The following WLS variants were observed in gnomAD, a reference collection of about 807,000 sequenced individuals.
The protein encoded by WLS is protein wntless homolog.
In WLS, 23 loss-of-function variants were observed where a neutral mutation model predicts 62.8. That is an observed-to-expected ratio of 0.37 (90% CI 0.26 to 0.52). The LOEUF (loss-of-function observed/expected upper bound fraction) is 0.52. Among genes scored for constraint, WLS ranks in the 20% least tolerant of loss-of-function variants. The pLI, the probability that WLS is intolerant of heterozygous loss-of-function variation, is 0.92. For missense variants in WLS, 615 were observed against 697.3 expected (o/e 0.88, Z 1.33); for synonymous variants, 246 against 244.1 (o/e 1.01, Z -0.07).
At chr1:68,154,987 G>A in intron 4 of WLS, 112 bp downstream of exon 4, 2 of 1,133,014 alleles carry the variant, frequency 1.8e-6, no homozygotes, top group Non-Finnish European at 2.5e-6. Flanking sequence ...CAGCCATCAT[G>A]AGTATGTTAT....
chr1:68,178,563 G>A (rs1647362161), intron 2 of WLS, among the ~76,000 whole-genome samples: 1 of 151,990 alleles, frequency 6.6e-6, no homozygotes, highest in African/African-American at 2.4e-5. Flanking sequence ...AAAATTAGCT[G>A]GGCATGGTGG....
chr1:68,215,604 G>A (rs927627901), intron 1 of WLS, among the ~76,000 whole-genome samples: 1 of 152,098 alleles, frequency 6.6e-6, no homozygotes, highest in African/African-American at 2.4e-5. Context: ...AAATAATAAA[G>A]GATGTACATA....
At chr1:68,119,103 C>T (rs1236212439) in intron 11 of WLS, among the ~76,000 whole-genome samples, 1 of 151,928 alleles carries the variant, frequency 6.6e-6, no homozygotes, top group African/African-American at 2.4e-5. Flanking sequence ...AAATTATGAA[C>T]CATCCTTTTT....
At chr1:68,123,700 A>G (rs1333593129), downstream of WLS, among the ~76,000 whole-genome samples, 1 of 152,126 alleles carries the variant, frequency 6.6e-6, no homozygotes, top group East Asian at 1.9e-4. Flanking sequence ...CCAAGCAGCC[A>G]TTTGACCTGA....
intron 1 of WLS, among the ~76,000 whole-genome samples, chr1:68,204,388 C>G (rs891597330): frequency 2.0e-5 from 3 of 152,014 alleles, no homozygotes; most frequent in South Asian, 2.1e-4. Flanking sequence ...GGCGCGGTCT[C>G]GGCTCACTGC....
At chr1:68,228,228 G>T (rs1311269026) in intron 1 of WLS, 4 of 443,522 alleles carry the variant, frequency 9.0e-6, no homozygotes, top group Non-Finnish European at 1.8e-5. Flanking sequence ...TACAGTTTAT[G>T]TTTGGAATAG....
chr1:68,150,188 C>G lies in WLS; in HGVS notation c.972G>C (p.Met324Ile). The change falls in exon 6 of 12, where the codon ATG becomes ATC. Residue 324 changes from methionine to isoleucine, a missense_variant and splice_region_variant. Coordinates refer to ENST00000262348, the MANE Select transcript of WLS (RefSeq NM_024911.7). ...FWIIFCGEHM[M>I]DQHERNHIAG... is the part of the protein sequence containing the mutation. The stretch of plus-strand genomic sequence containing the variant: ...GTCTGTCCCTCCCGGCGGCTCTTAC[C>G]ATCATGTGCTCGCCACAGAAGATGA... 1 of 1,613,888 alleles carries G rather than the reference C, an allele frequency of 6.2e-7. No individual in the cohort carries two copies. The highest frequency in any genetic ancestry group is 8.5e-7 in the Non-Finnish European group (1 of 1,179,882).
intron 10 of WLS, among the ~76,000 whole-genome samples, chr1:68,140,719 G>A (rs1481682159): frequency 6.6e-6 from 1 of 152,180 alleles, no homozygotes; most frequent in Non-Finnish European, 1.5e-5. Flanking sequence ...TGGGCAAAGA[G>A]TTGAACTGCA....
In WLS at chr1:68,194,239, A is replaced by G; in HGVS notation, c.107-12T>C. The G allele has an allele frequency of 6.2e-7, 1 of 1,612,228 alleles. No homozygotes were observed. Among genetic ancestry groups the G allele is most frequent in the Non-Finnish European group, 8.5e-7 (1 of 1,178,998 alleles). ...TGTGGGCCCTGGAGCTGAAAAGAGAAAGTTTGTCTGTTTTAGAAAAGCCAT... is the reference window on the plus strand; with the variant it reads ...TGTGGGCCCTGGAGCTGAAAAGAGAGAGTTTGTCTGTTTTAGAAAAGCCAT... On this transcript the variant is annotated splice_polypyrimidine_tract_variant and intron_variant, in intron 1 of 11. Transcript: ENST00000262348.
At chr1:68,098,782 T>C in intron 11 of WLS, 3 of 1,604,864 alleles carry the variant, frequency 1.9e-6, no homozygotes, top group Non-Finnish European at 2.6e-6. Context: ...TTTAAAACCA[T>C]GCAAAATATC....
At chr1:68,100,661 C>T (rs1646065434) in intron 11 of WLS, 1 of 152,168 alleles carries the variant, frequency 6.6e-6, no homozygotes, top group Non-Finnish European at 1.5e-5. Flanking sequence ...TTGAGAGTCT[C>T]CAAGCCTCAT....
intron 11 of WLS, among the ~76,000 whole-genome samples, chr1:68,107,893 C>T (rs1048897751): frequency 6.6e-6 from 1 of 152,086 alleles, no homozygotes; most frequent in Non-Finnish European, 1.5e-5. Context: ...GGATACAATG[C>T]AGAAGAGAAG....
At chr1:68,110,311 A>G (rs898397901) in intron 11 of WLS, among the ~76,000 whole-genome samples, 2 of 152,068 alleles carry the variant, frequency 1.3e-5, no homozygotes, top group Admixed American at 1.3e-4. Flanking sequence ...TATACATTGG[A>G]AACAATTTAA....
At chr1:68,154,453 C>T (rs1475638937) in intron 4 of WLS, among the ~76,000 whole-genome samples, 1 of 151,998 alleles carries the variant, frequency 6.6e-6, no homozygotes, top group Non-Finnish European at 1.5e-5. Context: ...TTACATTCAC[C>T]AATTTATATT....
intron 11 of WLS, chr1:68,099,875 CCA>C (rs1276456091): frequency 6.6e-6 from 1 of 151,822 alleles, no homozygotes; most frequent in Non-Finnish European, 1.5e-5. Flanking sequence ...GAGCAAATCA[CCA>C]CATGCTTCTG....
chr1:68,226,948 C>A (rs545858643), intron 1 of WLS, among the ~76,000 whole-genome samples: 11 of 152,238 alleles, frequency 7.2e-5, no homozygotes, highest in African/African-American at 2.2e-4. Context: ...GAAGGGAAGG[C>A]CTGAAGTCTC....
At chr1:68,227,352 G>A (rs1650192158) in intron 1 of WLS, among the ~76,000 whole-genome samples, 1 of 151,120 alleles carries the variant, frequency 6.6e-6, no homozygotes, top group Non-Finnish European at 1.5e-5. Flanking sequence ...GGGAGGCGGA[G>A]GTTGCAGTGA....
At chr1:68,212,951 G>A (rs1183125746) in intron 1 of WLS, among the ~76,000 whole-genome samples, 4 of 152,102 alleles carry the variant, frequency 2.6e-5, no homozygotes, top group African/African-American at 7.2e-5. Context: ...TCAGAATTTA[G>A]CTAAGCGCTA....
chr1:68,147,172 A>C (rs538393925), intron 8 of WLS, among the ~76,000 whole-genome samples: 1 of 152,334 alleles, frequency 6.6e-6, no homozygotes, highest in Non-Finnish European at 1.5e-5. Flanking sequence ...CCTGGAATGA[A>C]GGGAATATAG....
Sources: allele counts gnomAD v4.1 joint callset (sites outside exome capture counted in the v4.1 genomes callset), GRCh38; gene constraint gnomAD v4.1.1; transcripts MANE v1.5; gene names NCBI Gene and HGNC (gene_info 2026-07-23, HGNC 2026-07-21).